The following TMEM67 variants were observed in gnomAD, a reference collection of about 807,000 sequenced individuals.
TMEM67 encodes the protein transmembrane protein 67, also known as meckelin.
In TMEM67, 124 loss-of-function variants were observed where a neutral mutation model predicts 136.6. The ratio of observed to expected loss-of-function variants is 0.91; its 90% CI spans 0.78 to 1.05. The LOEUF is 1.05. Ranked by LOEUF, TMEM67 falls within the 50% of genes least tolerant of loss-of-function variation. The pLI, the probability that TMEM67 is intolerant of heterozygous loss-of-function variation, is 0.00. For missense variants in TMEM67, 1,107 were observed against 1,178.4 expected (o/e 0.94, Z 0.89); for synonymous variants, 364 against 390.5 (o/e 0.93, Z 0.80).
At chr8:93,813,414 A>C (rs1586097938) in intron 26 of TMEM67, among the ~76,000 whole-genome samples, 1 of 151,840 alleles carries the variant, frequency 6.6e-6, no homozygotes, top group African/African-American at 2.4e-5. Context: ...CCTGACCTCA[A>C]GAGATCTGCC....
At chr8:93,823,109 C>A (rs1186298680), downstream of TMEM67, among the ~76,000 whole-genome samples, 2 of 152,138 alleles carry the variant, frequency 1.3e-5, no homozygotes, top group Non-Finnish European at 2.9e-5. Flanking sequence ...TAACAAATTA[C>A]CAAAATTGAG....
intron 10 of TMEM67, 36 bp downstream of exon 10, chr8:93,781,780 C>A: frequency 2.3e-6 from 3 of 1,294,834 alleles, no homozygotes; most frequent in Non-Finnish European, 3.3e-6. Flanking sequence ...TAATAACATG[C>A]ATTATTTTTG....
At chr8:93,797,571 C>A in intron 20 of TMEM67, 101 bp downstream of exon 20, 1 of 1,152,044 alleles carries the variant, frequency 8.7e-7, no homozygotes, top group Non-Finnish European at 1.3e-6. Context: ...GAAGATTTCT[C>A]TAAAGGTTGA....
At chr8:93,830,771 C>T in the TMEM67 span, among the ~76,000 whole-genome samples, 1 of 152,248 alleles carries the variant, frequency 6.6e-6, no homozygotes, top group African/African-American at 2.4e-5. Context: ...TCTGTAGACT[C>T]AGCTTTTACC....
chr8:93,816,525 C>A lies in TMEM67; in HGVS notation c.*73C>A. ...AAAGTCATGATATCAGGTTAGTTTGCCATATTTTTTAAAACTTATAATGCA... is the reference window on the plus strand; with the variant it reads ...AAAGTCATGATATCAGGTTAGTTTGACATATTTTTTAAAACTTATAATGCA... On this transcript the variant is annotated 3_prime_UTR_variant, in exon 28 of 28. Coordinates refer to ENST00000453321, the MANE Select transcript of TMEM67 (RefSeq NM_153704.6). The A allele has an allele frequency of 1.2e-6, 1 of 820,904 alleles. No homozygotes were observed. Among genetic ancestry groups the A allele is most frequent in the Non-Finnish European group, 2.1e-6 (1 of 487,724 alleles). 50.9% of individuals were successfully genotyped at this position (820,904 alleles called of 1,614,324 possible). A position where few individuals can be genotyped will look rare whatever the true frequency, so the allele number is the denominator to read the frequency against.
At chr8:93,759,446 G>A (rs1586338145) in intron 3 of TMEM67, 1 of 147,388 alleles carries the variant, frequency 6.8e-6, no homozygotes, top group African/African-American at 2.5e-5. Flanking sequence ...CTGAGCGACA[G>A]GGTAAGACCC....
chr8:93,788,673 A>G (rs1487048521), intron 14 of TMEM67, among the ~76,000 whole-genome samples: 1 of 152,236 alleles, frequency 6.6e-6, no homozygotes, highest in Non-Finnish European at 1.5e-5. Flanking sequence ...TAATAGAGAC[A>G]TACTTCAACA....
intron 6 of TMEM67, among the ~76,000 whole-genome samples, chr8:93,768,335 G>A (rs767165413): frequency 6.6e-6 from 1 of 152,002 alleles, no homozygotes; most frequent in Non-Finnish European, 1.5e-5. Flanking sequence ...AAAAGGGCTG[G>A]GCGTGGTGGC....
chr8:93,786,281 T>C lies in TMEM67; in HGVS notation c.1347T>C (p.Ser449=), dbSNP rs754073111. The stretch of plus-strand genomic sequence containing the variant: ...GCATTTTCTTAGTGGATGCAGTAAG[T>C]GGACGAGAAAATGACTTAGGAACTC... ...TRRIFLVDAV[S]GRENDLGTQP... is the part of the protein sequence containing the mutation. Residue 449 remains serine, a synonymous_variant, in exon 13 of 28, where the codon AGT becomes AGC. Transcript: ENST00000453321. 6.2e-7 allele frequency: 1 copy of C among 1,613,978 alleles called. No homozygotes were observed. Among genetic ancestry groups the C allele is most frequent in the East Asian group, 2.2e-5 (1 of 44,866 alleles).
chr8:93,765,856 C>T (rs1012364849), intron 6 of TMEM67, among the ~76,000 whole-genome samples: 2 of 152,036 alleles, frequency 1.3e-5, no homozygotes, highest in South Asian at 2.1e-4. Flanking sequence ...TTTTTCAGTG[C>T]GCTACAGAAT....
intron 23 of TMEM67, among the ~76,000 whole-genome samples, chr8:93,808,507 A>ATATTTATCT (rs1808546357): frequency 3.8e-3 from 39 of 10,158 alleles, no homozygotes; most frequent in Admixed American, 5.7e-3. Context: ...ATTATAGATG[A>ATATTTATCT]ATATATATAT....
chr8:93,764,024 C>G, intron 4 of TMEM67, 83 bp downstream of exon 4: 2 of 917,846 alleles, frequency 2.2e-6, no homozygotes, highest in Non-Finnish European at 3.5e-6. Flanking sequence ...GTTTTCCTAT[C>G]ATATCACTTA....
rs1311943115 is a variant in TMEM67, at chr8:93,782,452, C to A, written c.1123C>A (p.Gln375Lys). Residue 375 changes from glutamine to lysine, a missense_variant, in exon 11 of 28, where the codon CAA becomes AAA. Gln to Lys is a moderately conservative substitution (Grantham distance 53, BLOSUM62 1). Transcript: ENST00000453321. ...NAAYSFGTTY[Q>K]QNCEIPISKI... ...TGCTTATTCATTTGGAACAACCTACCAACAAAATGTAAGTTTGAACGATAT... is the reference window on the plus strand; with the variant it reads ...TGCTTATTCATTTGGAACAACCTACAAACAAAATGTAAGTTTGAACGATAT... 6.2e-7 allele frequency: 1 copy of A among 1,611,772 alleles called. No homozygotes were observed. The highest frequency in any genetic ancestry group is 2.2e-5 in the East Asian group (1 of 44,824).
intron 3 of TMEM67, among the ~76,000 whole-genome samples, chr8:93,761,229 G>T (rs984013112): frequency 5.9e-5 from 9 of 152,136 alleles, no homozygotes; most frequent in African/African-American, 2.2e-4. Flanking sequence ...ACCCAAGGAG[G>T]TGGAGGTTAC....
chr8:93,821,437 A>G (rs942261791), downstream of TMEM67, among the ~76,000 whole-genome samples: 7 of 152,074 alleles, frequency 4.6e-5, no homozygotes, highest in African/African-American at 1.7e-4. Flanking sequence ...ACATGCCTCC[A>G]TGCTTGGATA....
chr8:93,810,397 A>G (rs1586093189), intron 26 of TMEM67, among the ~76,000 whole-genome samples: 3 of 151,942 alleles, frequency 2.0e-5, no homozygotes, highest in South Asian at 4.2e-4. Context: ...CCTGGCCAAC[A>G]TGGTGAAACC....
intron 11 of TMEM67, among the ~76,000 whole-genome samples, 198 bp from the exon 12 acceptor site, chr8:93,785,024 T>C (rs1168480220): frequency 6.6e-6 from 1 of 152,186 alleles, no homozygotes; most frequent in Non-Finnish European, 1.5e-5. Flanking sequence ...AAAATAATCA[T>C]AGTATTCATG....
rs149641222 is a variant in TMEM67, at chr8:93,782,070, C to T, written c.1066-325C>T. Among the ~76,000 whole-genome samples the T allele has an allele frequency of 3.4e-3, 523 of 152,264 alleles. 4 individuals are homozygous for T. Among genetic ancestry groups the T allele is most frequent in the African/African-American group, 0.012 (492 of 41,566 alleles). ...CTGGAACTACAGGCGACTGCCACCACGTCCAGCTAATTTTTATGTACTTTT... is the reference window on the plus strand; with the variant it reads ...CTGGAACTACAGGCGACTGCCACCATGTCCAGCTAATTTTTATGTACTTTT... On this transcript the variant is annotated intron_variant, in intron 10 of 27. Coordinates refer to ENST00000453321, the MANE Select transcript of TMEM67 (RefSeq NM_153704.6).
intron 2 of TMEM67, chr8:93,756,551 A>C (rs1227271002): frequency 1.3e-5 from 2 of 152,194 alleles, no homozygotes; most frequent in African/African-American, 4.8e-5. Context: ...TGAAGTTATC[A>C]ATTGTCCCAA....
Sources: allele counts gnomAD v4.1 joint callset (sites outside exome capture counted in the v4.1 genomes callset), GRCh38; gene constraint gnomAD v4.1.1; transcripts MANE v1.5; gene names NCBI Gene and HGNC (gene_info 2026-07-23, HGNC 2026-07-21).